Variants in XYLT1 observed in about 807,000 individuals in gnomAD.
XYLT1 encodes beta-D-xylosyltransferase 1.
In XYLT1, 36 loss-of-function variants were observed where a neutral mutation model predicts 91.3. That is an observed-to-expected ratio of 0.39 (90% confidence interval 0.30 to 0.52). The LOEUF is 0.52. Ranked by LOEUF, XYLT1 falls within the 20% of genes least tolerant of loss-of-function variation. The pLI is 0.68. For missense variants in XYLT1, 1,242 were observed against 1,284.5 expected (o/e 0.97, Z 0.51); for synonymous variants, 588 against 532.0 (o/e 1.11, Z -1.45).
intron 1 of XYLT1, among the ~76,000 whole-genome samples, chr16:17,447,535 A>G (rs1464618557): frequency 6.6e-6 from 1 of 152,242 alleles, no homozygotes; most frequent in African/African-American, 2.4e-5. Context: ...TGCTGAGTTC[A>G]TGGGTCAAAG....
intron 1 of XYLT1, among the ~76,000 whole-genome samples, chr16:17,417,851 TA>T (rs1396953986): frequency 1.3e-5 from 2 of 152,216 alleles, no homozygotes; most frequent in African/African-American, 4.8e-5. Flanking sequence ...TTAGAATATT[TA>T]CTCTGGGGAA....
intron 1 of XYLT1, among the ~76,000 whole-genome samples, chr16:17,458,968 G>T (rs561150936): frequency 1.3e-5 from 2 of 152,128 alleles, no homozygotes; most frequent in South Asian, 4.2e-4. Flanking sequence ...CCTGGTCTAG[G>T]ATACTCGGAT....
intron 10 of XYLT1, 152 bp from the exon 11 acceptor site, chr16:17,118,131 C>T (rs1325128213): frequency 3.8e-6 from 3 of 786,592 alleles, no homozygotes; most frequent in African/African-American, 3.5e-5. Context: ...CAAGGTTGCA[C>T]AGCTTGTAAG....
intron 1 of XYLT1, among the ~76,000 whole-genome samples, chr16:17,434,521 C>G (rs2036429801): frequency 6.6e-6 from 1 of 152,124 alleles, no homozygotes. Context: ...CTTAGCAACC[C>G]TGAATAAGCC....
chr16:17,338,518 G>T, intron 2 of XYLT1: 1 of 456,106 alleles, frequency 2.2e-6, no homozygotes, highest in Non-Finnish European at 4.4e-6. Flanking sequence ...CATGAATATT[G>T]TATTTCTTGT....
At chr16:17,196,372 G>A (rs2032426274) in intron 5 of XYLT1, among the ~76,000 whole-genome samples, 2 of 152,164 alleles carry the variant, frequency 1.3e-5, no homozygotes, top group South Asian at 4.1e-4. Flanking sequence ...TCATTGTGAT[G>A]CTGTCTTAAA....
chr16:17,246,278 T>C (rs1239714536), intron 3 of XYLT1, among the ~76,000 whole-genome samples: 1 of 152,226 alleles, frequency 6.6e-6, no homozygotes, highest in African/African-American at 2.4e-5. Context: ...AATCCCTACG[T>C]AGAGGTTAAG....
rs1238301361 is a variant in XYLT1, at chr16:17,106,527, C to T, written c.*2168G>A. The T allele has an allele frequency of 2.0e-5, 3 of 152,236 alleles. No homozygotes were observed. The highest frequency in any genetic ancestry group is 7.2e-5 in the African/African-American group (3 of 41,434). 9.4% of individuals were successfully genotyped at this position (152,236 alleles called of 1,614,324 possible). A position where few individuals can be genotyped will look rare whatever the true frequency, so the allele number is the denominator to read the frequency against. On this transcript the variant is annotated 3_prime_UTR_variant, in exon 12 of 12. Transcript: ENST00000261381. ...TGACGACCCTCCTCCTAAGATGGAT[C>T]TCTCTCAAAGGAGCCTGTTTCCCTC... is the stretch of plus-strand genomic sequence containing the variant.
intron 1 of XYLT1, among the ~76,000 whole-genome samples, chr16:17,462,156 A>T (rs2036831979): frequency 6.6e-6 from 1 of 152,208 alleles, no homozygotes; most frequent in South Asian, 2.1e-4. Context: ...CCTCATTAGC[A>T]TCCACTGACA....
intron 1 of XYLT1, among the ~76,000 whole-genome samples, chr16:17,467,663 A>T (rs2141966497): frequency 6.6e-6 from 1 of 152,310 alleles, no homozygotes; most frequent in South Asian, 2.1e-4. Context: ...AGGGCCTTCC[A>T]CCGAAGCGCA....
intron 1 of XYLT1, among the ~76,000 whole-genome samples, chr16:17,419,190 C>T (rs977423398): frequency 4.6e-5 from 7 of 150,610 alleles, no homozygotes; most frequent in Non-Finnish European, 7.4e-5. Context: ...TTGGCTAGTT[C>T]GTGAAGCCAT....
At chr16:17,262,750 C>A (rs2033741816) in intron 2 of XYLT1, among the ~76,000 whole-genome samples, 1 of 152,110 alleles carries the variant, frequency 6.6e-6, no homozygotes, top group Admixed American at 6.5e-5. Flanking sequence ...CTGAGTGAGG[C>A]CCATGTGGAG....
At chr16:17,150,124 A>G (rs1237229346) in intron 6 of XYLT1, among the ~76,000 whole-genome samples, 2 of 152,180 alleles carry the variant, frequency 1.3e-5, no homozygotes, top group Non-Finnish European at 2.9e-5. Context: ...TGTGGCATGA[A>G]GGTGACAAGT....
chr16:17,268,376 A>T (rs2033837045), intron 2 of XYLT1, among the ~76,000 whole-genome samples: 1 of 152,234 alleles, frequency 6.6e-6, no homozygotes, highest in Non-Finnish European at 1.5e-5. Context: ...AGAATGCCTT[A>T]GTTTAAATAT....
chr16:17,162,612 C>A (rs1168385976), intron 5 of XYLT1, among the ~76,000 whole-genome samples: 1 of 152,126 alleles, frequency 6.6e-6, no homozygotes, highest in East Asian at 1.9e-4. Context: ...TATTCCATTT[C>A]AAGTGCAGAA....
Position 17,104,032 on chromosome 16 carries a change from C to T in XYLT1, c.*4663G>A, listed in dbSNP as rs1011403525. 2.0e-5 allele frequency: 3 copies of T among 152,752 alleles called. No individual in the cohort carries two copies. Among genetic ancestry groups the T allele is most frequent in the African/African-American group, 4.8e-5 (2 of 41,436 alleles). 9.5% of individuals were successfully genotyped at this position (152,752 alleles called of 1,614,324 possible). ...GCAGATTTGGACAACTTTGTTCCCC[C>T]CTCCCAGGTAAACTTCTCAGCAGAC... On this transcript the variant is annotated 3_prime_UTR_variant, in exon 12 of 12. Transcript: ENST00000261381.
chr16:17,350,220 C>T (rs758443936), intron 2 of XYLT1, among the ~76,000 whole-genome samples: 1 of 152,174 alleles, frequency 6.6e-6, no homozygotes, highest in Non-Finnish European at 1.5e-5. Flanking sequence ...TAAATTCAAA[C>T]TTTCAATGTC....
intron 2 of XYLT1, among the ~76,000 whole-genome samples, chr16:17,263,163 G>T (rs1471334347): frequency 6.6e-6 from 1 of 151,748 alleles, no homozygotes. Context: ...AAGTTTCCCC[G>T]CCACACAACA....
At chr16:17,388,220 C>T (rs573841920) in intron 1 of XYLT1, among the ~76,000 whole-genome samples, 3 of 152,246 alleles carry the variant, frequency 2.0e-5, no homozygotes, top group African/African-American at 7.2e-5. Context: ...GATGCTAAAA[C>T]ACAAAACACA....
Sources: gnomAD v4.1 joint callset for allele counts (sites outside exome capture counted in the v4.1 genomes callset) on GRCh38, gnomAD v4.1.1 for gene constraint, MANE v1.5 for transcripts, NCBI Gene and HGNC (gene_info 2026-07-23, HGNC 2026-07-21) for gene names.